The following COL27A1 variants were observed in gnomAD, a reference collection of about 807,000 sequenced individuals.
COL27A1 encodes the protein collagen alpha-1(XXVII) chain.
In COL27A1, 106 loss-of-function variants were observed where a neutral mutation model predicts 251.3. The ratio of observed to expected loss-of-function variants is 0.42; its 90% CI spans 0.36 to 0.50. The LOEUF (loss-of-function observed/expected upper bound fraction) is 0.50. COL27A1 is among the 20% of genes least tolerant of loss of function. The pLI, the probability that COL27A1 is intolerant of heterozygous loss-of-function variation, is 0.00. For missense variants in COL27A1, 2,325 were observed against 2,522.8 expected, an observed-to-expected ratio of 0.92 and a Z score of 1.68; for synonymous variants, 1,000 against 986.3, an observed-to-expected ratio of 1.01 and a Z score of -0.26.
intron 33 of COL27A1, among the ~76,000 whole-genome samples, chr9:114,266,960 C>T (rs1298651051): frequency 6.6e-6 from 1 of 152,154 alleles, no homozygotes; most frequent in Non-Finnish European, 1.5e-5. Context: ...AGAGGTTTGA[C>T]TGTCCATCCA....
intron 3 of COL27A1, among the ~76,000 whole-genome samples, chr9:114,173,160 G>C (rs1260223717): frequency 2.6e-5 from 4 of 150,974 alleles, no homozygotes; most frequent in Non-Finnish European, 5.9e-5. Context: ...TTGGGGCGGG[G>C]AGGCCGTGGT....
intron 1 of COL27A1, 37 bp from the exon 2 acceptor site, chr9:114,162,678 G>C: frequency 6.6e-7 from 1 of 1,512,564 alleles, no homozygotes; most frequent in Non-Finnish European, 9.2e-7. Flanking sequence ...AGGGGTGGAA[G>C]CTGATGCCGC....
rs552089615 is a variant in COL27A1, at chr9:114,169,190, C to T, written c.1635C>T (p.Ala545=). The change falls in exon 3 of 61, where the codon GCC becomes GCT. Residue 545 remains alanine (A), a synonymous_variant. Coordinates refer to ENST00000356083, the MANE Select transcript of COL27A1 (RefSeq NM_032888.4). ...TTGGATCGGAAGCCTCAAAGAAAGC[C>T]GGACCCAAGAGCAGCCCCCGGAAGC... ...KPIGSEASKK[A]GPKSSPRKPV... The T allele has an allele frequency of 3.1e-5, 50 of 1,614,078 alleles. No individual in the cohort carries two copies. The South Asian group carries it at 4.4e-4, about 14-fold the overall frequency.
intron 29 of COL27A1, 98 bp downstream of exon 29, chr9:114,264,506 A>G: frequency 1.0e-6 from 1 of 971,564 alleles, no homozygotes. Context: ...CCCCTTAGGG[A>G]CAACAAAGGG....
rs1193436675 is a variant in COL27A1 at position 114,212,254 on chromosome 9, C to G, written c.2367+1228C>G. ...ATGCTCCCAGCTTCAGGGCAAGGAC[C>G]TGGAGTCTGAGAGGGCTGGGCTGGC... On this transcript the variant is annotated intron_variant, in intron 12 of 60. Transcript: ENST00000356083. 1.3e-5 allele frequency among the ~76,000 whole-genome samples: 2 copies of G among 152,190 alleles called. 1 individual carries two copies. The highest frequency in any genetic ancestry group is 2.9e-5 in the Non-Finnish European group (2 of 68,026).
intron 4 of COL27A1, among the ~76,000 whole-genome samples, chr9:114,182,044 A>C (rs1827960066): frequency 6.6e-6 from 1 of 152,040 alleles, no homozygotes; most frequent in South Asian, 2.1e-4. Context: ...GACTCATACA[A>C]AAGTCCAGTT....
rs777330553 is a variant in COL27A1, at chr9:114,168,882, C to A, written c.1327C>A (p.Leu443Ile). The A allele has an allele frequency of 1.6e-5, 26 of 1,614,032 alleles. No homozygotes were observed. The highest frequency in any genetic ancestry group is 2.2e-5 in the Non-Finnish European group (26 of 1,179,998). Residue 443 changes from leucine to isoleucine, a missense_variant, in exon 3 of 61, where the codon CTA (leucine) becomes ATA (isoleucine). By Grantham distance (5) the Leu-to-Ile change is conservative. Transcript: ENST00000356083. ...GCCCCCACCGCCCAGCACCCGGCCCCTACCTCCTACCACCAGCTCCTCTAA... is the reference window on the plus strand; with the variant it reads ...GCCCCCACCGCCCAGCACCCGGCCCATACCTCCTACCACCAGCTCCTCTAA... The part of the protein sequence containing the change: ...PRPPPPSTRP[L>I]PPTTSSSKKP...
At chr9:114,197,459 A>T (rs1209828968) in intron 7 of COL27A1, among the ~76,000 whole-genome samples, 4 of 152,168 alleles carry the variant, frequency 2.6e-5, no homozygotes, top group Non-Finnish European at 5.9e-5. Flanking sequence ...TGCGCTCCCC[A>T]CTTACTTCCT....
Position 114,310,799 on chromosome 9 carries a change from C to T in COL27A1, c.*104C>T. 1.6e-6 allele frequency: 2 copies of T among 1,258,244 alleles called. No homozygotes were observed. Among genetic ancestry groups the T allele is most frequent in the Non-Finnish European group, 2.2e-6 (2 of 896,602 alleles). 77.9% of individuals were successfully genotyped at this position (1,258,244 alleles called of 1,614,324 possible). The stretch of plus-strand genomic sequence containing the variant: ...GGCTCCAGGAGAGGCAGCTCCCCTG[C>T]CCAAGGGTCCTTGGGCAGACCCCAG... On this transcript the variant is annotated 3_prime_UTR_variant, in exon 61 of 61. Coordinates refer to ENST00000356083, the MANE Select transcript of COL27A1 (RefSeq NM_032888.4).
At chr9:114,245,945 A>C in intron 24 of COL27A1, 35 bp downstream of exon 24, 1 of 1,597,318 alleles carries the variant, frequency 6.3e-7, no homozygotes, top group Non-Finnish European at 8.6e-7. Flanking sequence ...GAGTGGCTCC[A>C]TTTATTGGGC....
In COL27A1 at chr9:114,206,238, G is replaced by A. The variant is rs1829958742; in HGVS notation, c.2224-14G>A. 1.2e-6 allele frequency: 2 copies of A among 1,614,096 alleles called. No homozygotes were observed. Among genetic ancestry groups the A allele is most frequent in the South Asian group, 2.2e-5 (2 of 91,076 alleles). ...TCTCCATATGTCCTTGCCCCTCTGT[G>A]TTTTGTGTTTCAGGGGTTACCTGGA... On this transcript the variant is annotated splice_polypyrimidine_tract_variant and intron_variant, in intron 9 of 60. Coordinates refer to ENST00000356083, the MANE Select transcript of COL27A1 (RefSeq NM_032888.4).
chr9:114,244,653 A>G (rs959525744), intron 23 of COL27A1, among the ~76,000 whole-genome samples: 1 of 152,176 alleles, frequency 6.6e-6, no homozygotes, highest in African/African-American at 2.4e-5. Flanking sequence ...TCTAGTTTTC[A>G]TGAGGTCCAG....
chr9:114,245,353 C>T (rs1400774191), intron 23 of COL27A1, among the ~76,000 whole-genome samples: 1 of 152,068 alleles, frequency 6.6e-6, no homozygotes, highest in African/African-American at 2.4e-5. Context: ...GATGGGGTTT[C>T]TCCATGTTGG....
At chr9:114,308,430 G>A (rs566003082) in intron 59 of COL27A1, among the ~76,000 whole-genome samples, 6 of 152,238 alleles carry the variant, frequency 3.9e-5, no homozygotes, top group Non-Finnish European at 5.9e-5. Flanking sequence ...GAGATGCCTT[G>A]TGCTGACTGG....
rs143363201 is a variant in COL27A1 at position 114,287,327 on chromosome 9, C to T, written c.3988-1128C>T. ...GGGGTGCCTGGCTTGAGCCCTGTGC[C>T]CAGGGGAGTGACACCAGTTTCTGGG... On this transcript the variant is annotated intron_variant, in intron 41 of 60. Coordinates refer to ENST00000356083, the MANE Select transcript of COL27A1 (RefSeq NM_032888.4). Among the ~76,000 whole-genome samples the T allele has an allele frequency of 5.1e-3, 770 of 152,290 alleles. 5 individuals carry two copies. The highest frequency in any genetic ancestry group is 0.018 in the African/African-American group (728 of 41,568).
At position 114,170,862 on chromosome 9, in the gene COL27A1, C is replaced by T. The variant is rs78574165; in HGVS notation, c.1908+1399C>T. 3.4e-3 allele frequency among the ~76,000 whole-genome samples: 513 copies of T among 152,338 alleles called. 5 individuals are homozygous for T. Among genetic ancestry groups the T allele is most frequent in the African/African-American group, 0.011 (474 of 41,582 alleles). On this transcript the variant is annotated intron_variant, in intron 3 of 60. Coordinates refer to ENST00000356083, the MANE Select transcript of COL27A1 (RefSeq NM_032888.4). ...GGGGCCCTGACAGCTCAGCTTCCCA[C>T]GCTGTGTGCGTGCTGGGCTCAATGG...
chr9:114,279,108 G>A (rs1835751179), intron 37 of COL27A1, among the ~76,000 whole-genome samples: 2 of 152,210 alleles, frequency 1.3e-5, no homozygotes, highest in South Asian at 4.1e-4. Flanking sequence ...GGATCAGTCA[G>A]CCATTGCCGC....
In COL27A1 at chr9:114,290,189, C is replaced by T. The variant is rs1827808959; in HGVS notation, c.4261-35C>T. ...CCCGCCCTCCTCCCACTCCCTGCACCAAATGCCCTCACCAGCTTTTTATGT... is the reference window on the plus strand; with the variant it reads ...CCCGCCCTCCTCCCACTCCCTGCACTAAATGCCCTCACCAGCTTTTTATGT... On this transcript the variant is annotated intron_variant, in intron 46 of 60. Transcript: ENST00000356083. This position sits in a 1 kb window ranked among gnomAD's most constrained non-coding sequence, Gnocchi z 4.6. 1.9e-6 allele frequency: 3 copies of T among 1,581,576 alleles called. No homozygotes were observed. Among genetic ancestry groups the T allele is most frequent in the Non-Finnish European group, 1.7e-6 (2 of 1,162,292 alleles).
rs1834584674 is a variant in COL27A1 at position 114,264,417 on chromosome 9, C to T, written c.3249+9C>T. On this transcript the variant is annotated intron_variant, in intron 29 of 60. Coordinates refer to ENST00000356083, the MANE Select transcript of COL27A1 (RefSeq NM_032888.4). Reference sequence around the variant, plus strand: ...GGTCCAGGGGCCTGAAGGTACCGACCCCTAGGACCTGCCCTTCCTCACTCC... The same window carrying T: ...GGTCCAGGGGCCTGAAGGTACCGACTCCTAGGACCTGCCCTTCCTCACTCC... 1 of 1,562,918 alleles carries T rather than the reference C, an allele frequency of 6.4e-7. No homozygotes were observed.
Sources: allele counts gnomAD v4.1 joint callset (sites outside exome capture counted in the v4.1 genomes callset), GRCh38; gene constraint gnomAD v4.1.1; non-coding constraint Gnocchi (gnomAD v3.1); transcripts MANE v1.5; gene names NCBI Gene and HGNC (gene_info 2026-07-23, HGNC 2026-07-21).